DLG2: variants seen among roughly 807,000 people sequenced by gnomAD.
DLG2 encodes discs large MAGUK scaffold protein 2, also known as disks large homolog 2.
DLG2 carries 45 observed loss-of-function variants against 132.5 expected under a neutral mutation model. The ratio of observed to expected loss-of-function variants is 0.34; its 90% CI spans 0.27 to 0.44. DLG2 has a LOEUF of 0.44. DLG2 is among the 20% of genes least tolerant of loss of function. DLG2 has a pLI of 1.00. For synonymous variants in DLG2, 424 were observed against 419.6 expected (o/e 1.01, Z -0.13); for missense variants, 1,045 against 1,196.9 (o/e 0.87, Z 1.87).
At chr11:84,727,531 G>A (rs2062628367) in intron 6 of DLG2, among the ~76,000 whole-genome samples, 1 of 152,154 alleles carries the variant, frequency 6.6e-6, no homozygotes, top group South Asian at 2.1e-4. Context: ...ATAGCATGAT[G>A]CCTCCAGCTT....
At chr11:85,054,961 T>A (rs1037406347) in intron 6 of DLG2, among the ~76,000 whole-genome samples, 1 of 152,084 alleles carries the variant, frequency 6.6e-6, no homozygotes, top group African/African-American at 2.4e-5. Flanking sequence ...GAACGCAGCA[T>A]CATGCAATAT....
At chr11:84,457,939 CTGAT>C (rs762442235) in intron 7 of DLG2, among the ~76,000 whole-genome samples, 118 of 150,652 alleles carry the variant, frequency 7.8e-4, no homozygotes, top group Non-Finnish European at 1.5e-3. Flanking sequence ...TTAACTGTTG[CTGAT>C]TATTATAGAA....
chr11:84,143,489 A>C (rs1405241850), intron 9 of DLG2, among the ~76,000 whole-genome samples: 1 of 152,192 alleles, frequency 6.6e-6, no homozygotes, highest in East Asian at 1.9e-4. Flanking sequence ...TTAAACTTTA[A>C]AACCACGTAA....
At chr11:85,403,058 C>A (rs1167994854) in intron 3 of DLG2, among the ~76,000 whole-genome samples, 2 of 152,068 alleles carry the variant, frequency 1.3e-5, no homozygotes, top group African/African-American at 4.8e-5. Context: ...TTTATTGTGG[C>A]ACTATTCACA....
intron 9 of DLG2, among the ~76,000 whole-genome samples, chr11:84,160,970 AT>A (rs1319158461): frequency 6.6e-6 from 1 of 152,280 alleles, no homozygotes; most frequent in Admixed American, 6.5e-5. Context: ...AAGGTATGAA[AT>A]TGTTGTCCCA....
intron 5 of DLG2, among the ~76,000 whole-genome samples, chr11:85,124,462 T>G (rs535547099): frequency 6.6e-6 from 1 of 152,246 alleles, no homozygotes; most frequent in Non-Finnish European, 1.5e-5. Flanking sequence ...AATTTGATTC[T>G]GTACAATAAT....
intron 7 of DLG2, among the ~76,000 whole-genome samples, chr11:84,256,644 T>C (rs2097476832): frequency 6.6e-6 from 1 of 152,220 alleles, no homozygotes; most frequent in Admixed American, 6.5e-5. Flanking sequence ...TTGGATACCT[T>C]TGGCTTATCT....
At chr11:84,370,435 T>A (rs1482940863) in intron 7 of DLG2, among the ~76,000 whole-genome samples, 1 of 151,988 alleles carries the variant, frequency 6.6e-6, no homozygotes, top group African/African-American at 2.4e-5. Context: ...AAGTTTGGGG[T>A]CAGACAGATA....
intron 6 of DLG2, among the ~76,000 whole-genome samples, chr11:84,652,300 T>C (rs1159767647): frequency 1.3e-5 from 2 of 152,094 alleles, no homozygotes; most frequent in Admixed American, 1.3e-4. Flanking sequence ...GAAATAATAG[T>C]AGAGGAATGG....
At chr11:84,527,704 G>A (rs1344849851) in intron 7 of DLG2, among the ~76,000 whole-genome samples, 1 of 152,132 alleles carries the variant, frequency 6.6e-6, no homozygotes, top group African/African-American at 2.4e-5. Context: ...TTGACTGCAA[G>A]ACACATTTCT....
rs529904012 is a variant in DLG2 at position 84,454,348 on chromosome 11, C to T, written c.519+80222G>A. On this transcript the variant is annotated intron_variant, in intron 7 of 27. Coordinates refer to ENST00000376104, the MANE Select transcript of DLG2 (RefSeq NM_001142699.3). Reference sequence around the variant, plus strand: ...CATGGAACTCAGGAAATTGTCTAGCCTCTGATACTTTCAAAAATGTAAATG... The same window carrying T: ...CATGGAACTCAGGAAATTGTCTAGCTTCTGATACTTTCAAAAATGTAAATG... Among the ~76,000 whole-genome samples the T allele has an allele frequency of 3.4e-4, 51 of 151,528 alleles. 1 individual carries two copies. The South Asian group carries it at 0.01, about 31-fold the overall frequency.
intron 3 of DLG2, among the ~76,000 whole-genome samples, chr11:85,451,361 G>C (rs1412031197): frequency 6.6e-6 from 1 of 152,130 alleles, no homozygotes; most frequent in Non-Finnish European, 1.5e-5. Flanking sequence ...AGATGTAACT[G>C]ATTTAACTGT....
intron 6 of DLG2, among the ~76,000 whole-genome samples, chr11:84,934,892 T>A (rs1345194592): frequency 1.3e-5 from 2 of 152,096 alleles, no homozygotes; most frequent in African/African-American, 2.4e-5. Context: ...TCCAAGTCTT[T>A]TTCTAACCCA....
intron 6 of DLG2, among the ~76,000 whole-genome samples, chr11:84,765,297 C>A (rs1302267474): frequency 6.6e-6 from 1 of 152,052 alleles, no homozygotes; most frequent in Non-Finnish European, 1.5e-5. Context: ...CCTGAAAACT[C>A]ATGTCCCTTT....
At chr11:85,174,639 A>G (rs1245919077) in intron 4 of DLG2, among the ~76,000 whole-genome samples, 2 of 152,186 alleles carry the variant, frequency 1.3e-5, no homozygotes, top group Non-Finnish European at 2.9e-5. Context: ...GGAGACAGAG[A>G]CATGAAAAAC....
Position 84,399,588 on chromosome 11 carries a change from G to A in DLG2, c.519+134982C>T, listed in dbSNP as rs553230498. ...CTACCACCACATCTGGCTAATTTTT[G>A]TATTTTTTAGTAGAGATGGGGTTTC... On this transcript the variant is annotated intron_variant, in intron 7 of 27. Coordinates refer to ENST00000376104, the MANE Select transcript of DLG2 (RefSeq NM_001142699.3). 1.5e-3 allele frequency among the ~76,000 whole-genome samples: 232 copies of A among 152,054 alleles called. 11 individuals are homozygous for A. The South Asian group carries it at 0.046, about 30-fold the overall frequency.
At chr11:83,856,443 C>T (rs1006614945) in intron 16 of DLG2, among the ~76,000 whole-genome samples, 18 of 152,188 alleles carry the variant, frequency 1.2e-4, no homozygotes, top group Non-Finnish European at 2.4e-4. Flanking sequence ...ATTTTCACTT[C>T]CACCAACAGT....
chr11:83,573,037 A>G (rs973635601), intron 19 of DLG2, among the ~76,000 whole-genome samples: 1 of 152,154 alleles, frequency 6.6e-6, no homozygotes, highest in Non-Finnish European at 1.5e-5. Flanking sequence ...GTAGCTTTTT[A>G]TGATTTGAAA....
chr11:85,088,434 C>T (rs527494766), intron 6 of DLG2, among the ~76,000 whole-genome samples: 2 of 152,224 alleles, frequency 1.3e-5, no homozygotes, highest in East Asian at 3.9e-4. Context: ...TAAGATTCAG[C>T]GGCTTTGCAC....
Sources: allele counts gnomAD v4.1 joint callset (sites outside exome capture counted in the v4.1 genomes callset), GRCh38; gene constraint gnomAD v4.1.1; transcripts MANE v1.5; gene names NCBI Gene and HGNC (gene_info 2026-07-23, HGNC 2026-07-21).